The following PRKCA variants were observed in gnomAD, a reference collection of about 807,000 sequenced individuals.
PRKCA encodes protein kinase C alpha type.
In PRKCA, 27 loss-of-function variants were observed where a neutral mutation model predicts 87.0. That is an observed-to-expected ratio of 0.31 (90% CI 0.23 to 0.43). The LOEUF (loss-of-function observed/expected upper bound fraction) is 0.43. Ranked by LOEUF, PRKCA falls within the 20% of genes least tolerant of loss-of-function variation. PRKCA has a pLI of 1.00. For missense variants in PRKCA, 518 were observed against 852.3 expected (o/e 0.61, Z 4.88); for synonymous variants, 329 against 311.1 (o/e 1.06, Z -0.61).
At chr17:66,361,735 A>T (rs1253261537) in intron 2 of PRKCA, among the ~76,000 whole-genome samples, 1 of 152,220 alleles carries the variant, frequency 6.6e-6, no homozygotes, top group Non-Finnish European at 1.5e-5. Context: ...GATTTACTTT[A>T]GCTTTCCATT....
chr17:66,345,864 A>G (rs892049741), intron 2 of PRKCA, among the ~76,000 whole-genome samples: 2 of 152,190 alleles, frequency 1.3e-5, no homozygotes, highest in African/African-American at 4.8e-5. Flanking sequence ...AGTTAGGTGT[A>G]TCAACATTTT....
chr17:66,558,840 C>A lies in PRKCA; in HGVS notation c.288+62557C>A, dbSNP rs182131172. ...GACGGTGAAGGTCTGCATGGAGGTT[C>A]GGCCATGGACCTGAGGGGTAATCTG... On this transcript the variant is annotated intron_variant, in intron 3 of 16. Transcript: ENST00000413366. 2.0e-5 allele frequency among the ~76,000 whole-genome samples: 3 copies of A among 152,228 alleles called. No homozygotes were observed. In the East Asian group the frequency reaches 5.8e-4, roughly 30 times the overall value.
At chr17:66,436,981 C>T (rs1388778417) in intron 2 of PRKCA, among the ~76,000 whole-genome samples, 1 of 151,918 alleles carries the variant, frequency 6.6e-6, no homozygotes, top group Non-Finnish European at 1.5e-5. Context: ...GATTGAGAAG[C>T]CAGAGTTTAT....
intron 13 of PRKCA, among the ~76,000 whole-genome samples, chr17:66,766,796 G>A (rs1164409136): frequency 4.0e-5 from 5 of 123,532 alleles, no homozygotes; most frequent in South Asian, 2.5e-4. Context: ...TAACAAAAGC[G>A]AAACTCCTTC....
chr17:66,493,648 C>A (rs181467996), intron 2 of PRKCA, among the ~76,000 whole-genome samples: 1 of 151,908 alleles, frequency 6.6e-6, no homozygotes, highest in East Asian at 1.9e-4. Context: ...TTTTCCCATC[C>A]ATAAAATATA....
chr17:66,408,973 A>G (rs895771665), intron 2 of PRKCA, among the ~76,000 whole-genome samples: 14 of 136,626 alleles, frequency 1.0e-4, no homozygotes, highest in African/African-American at 4.0e-4. Context: ...AATCGCTTGA[A>G]CCCGGGAGGC....
chr17:66,491,257 G>T (rs1247656095), intron 2 of PRKCA, among the ~76,000 whole-genome samples: 1 of 151,902 alleles, frequency 6.6e-6, no homozygotes, highest in African/African-American at 2.4e-5. Flanking sequence ...GAAGCTGCAG[G>T]ATAGCATCCT....
intron 2 of PRKCA, among the ~76,000 whole-genome samples, chr17:66,452,557 A>G (rs1316262563): frequency 6.6e-6 from 1 of 152,134 alleles, no homozygotes; most frequent in Non-Finnish European, 1.5e-5. Flanking sequence ...TTGTTGCCTG[A>G]TAGGAACTGG....
chr17:66,491,683 C>T (rs1916252107), intron 2 of PRKCA, among the ~76,000 whole-genome samples: 1 of 152,214 alleles, frequency 6.6e-6, no homozygotes. Context: ...TGTCCATCTC[C>T]AGGCAAACCT....
At chr17:66,720,433 T>C (rs776079316) in intron 8 of PRKCA, among the ~76,000 whole-genome samples, 1 of 152,212 alleles carries the variant, frequency 6.6e-6, no homozygotes, top group Non-Finnish European at 1.5e-5. Flanking sequence ...AGATAATAGA[T>C]ATCATGACTT....
At chr17:66,504,680 C>G (rs985025083) in intron 3 of PRKCA, among the ~76,000 whole-genome samples, 1 of 152,176 alleles carries the variant, frequency 6.6e-6, no homozygotes, top group East Asian at 1.9e-4. Context: ...AGGGAGAGAG[C>G]CAGCCTGCAT....
chr17:66,473,029 G>A (rs1369431790), intron 2 of PRKCA, among the ~76,000 whole-genome samples: 1 of 152,078 alleles, frequency 6.6e-6, no homozygotes, highest in Non-Finnish European at 1.5e-5. Context: ...AACCACAGGA[G>A]CTACCATTAT....
chr17:66,464,198 G>T (rs186355223), intron 2 of PRKCA, among the ~76,000 whole-genome samples: 1 of 151,822 alleles, frequency 6.6e-6, no homozygotes, highest in Non-Finnish European at 1.5e-5. Context: ...ATGTCTTTTC[G>T]TGGCTGGATG....
At chr17:66,452,254 A>G (rs915184186) in intron 2 of PRKCA, among the ~76,000 whole-genome samples, 5 of 152,182 alleles carry the variant, frequency 3.3e-5, no homozygotes, top group Admixed American at 6.5e-5. Flanking sequence ...TGAAGTCTTC[A>G]TCTTTTTCTT....
intron 8 of PRKCA, among the ~76,000 whole-genome samples, chr17:66,720,242 G>A (rs1973581337): frequency 6.6e-6 from 1 of 152,212 alleles, no homozygotes; most frequent in Non-Finnish European, 1.5e-5. Context: ...TGCCTATCTG[G>A]GTCAGAGGAA....
intron 3 of PRKCA, among the ~76,000 whole-genome samples, chr17:66,634,105 A>G (rs1971092340): frequency 6.6e-6 from 1 of 152,250 alleles, no homozygotes; most frequent in African/African-American, 2.4e-5. Flanking sequence ...ATGTTGAGAA[A>G]TGTTTCCAAG....
chr17:66,303,166 A>C (rs1904607474), intron 1 of PRKCA, 142 bp downstream of exon 1: 2 of 1,164,522 alleles, frequency 1.7e-6, no homozygotes, highest in South Asian at 3.2e-5. Flanking sequence ...GCCCGGAGTG[A>C]CACGCGCGCC....
Position 66,773,894 on chromosome 17 carries a change from G to A in PRKCA, c.1525-93G>A, listed in dbSNP as rs1974992325. The A allele has an allele frequency of 2.5e-6, 4 of 1,576,258 alleles. No individual in the cohort carries two copies. In the Admixed American group the frequency reaches 5.1e-5, roughly 20 times the overall value. On this transcript the variant is annotated intron_variant, in intron 13 of 16. Coordinates refer to ENST00000413366, the MANE Select transcript of PRKCA (RefSeq NM_002737.3). ...TCTTAGCACCTCATCTGCATGAACTGAGTGTATAAATGCCTACCTGCTTGA... is the reference window on the plus strand; with the variant it reads ...TCTTAGCACCTCATCTGCATGAACTAAGTGTATAAATGCCTACCTGCTTGA...
At chr17:66,624,302 G>A (rs1970779653) in intron 3 of PRKCA, among the ~76,000 whole-genome samples, 1 of 152,030 alleles carries the variant, frequency 6.6e-6, no homozygotes, top group South Asian at 2.1e-4. Context: ...GACATTGCCA[G>A]CCACATGGAC....
Sources: allele counts gnomAD v4.1 joint callset (sites outside exome capture counted in the v4.1 genomes callset), GRCh38; gene constraint gnomAD v4.1.1; transcripts MANE v1.5; gene names NCBI Gene and HGNC (gene_info 2026-07-23, HGNC 2026-07-21).